Variants in PNOC observed in about 807,000 individuals in gnomAD.
PNOC encodes prepronociceptin, also known as nociceptin.
In PNOC, 10 loss-of-function variants were observed where a neutral mutation model predicts 15.6. The observed-to-expected ratio is 0.64, with a 90% confidence interval of 0.40 to 1.09. PNOC has a LOEUF of 1.09. Among genes scored for constraint, PNOC ranks in the 50% least tolerant of loss-of-function variants. PNOC has a pLI of 0.01. For synonymous variants in PNOC, 98 were observed against 88.5 expected (o/e 1.11, Z -0.60); for missense variants, 220 against 223.9 (o/e 0.98, Z 0.11).
intron 1 of PNOC, among the ~76,000 whole-genome samples, chr8:28,325,471 T>C (rs1384680043): frequency 6.6e-6 from 1 of 151,650 alleles, no homozygotes; most frequent in Non-Finnish European, 1.5e-5. Flanking sequence ...CTGGCCAACA[T>C]GTGAAGCCCC....
chr8:28,341,810 C>T (rs1206956819), intron 3 of PNOC, among the ~76,000 whole-genome samples: 1 of 152,142 alleles, frequency 6.6e-6, no homozygotes, highest in East Asian at 1.9e-4. Context: ...TGCTTCTTTT[C>T]CCCCAACATG....
intron 1 of PNOC, among the ~76,000 whole-genome samples, chr8:28,320,203 G>A (rs1801127445): frequency 7.4e-6 from 1 of 135,498 alleles, no homozygotes; most frequent in Non-Finnish European, 1.5e-5. Flanking sequence ...GGAGTAGATA[G>A]CATGCCTCAC....
chr8:28,327,415 T>C (rs1306545036), intron 1 of PNOC, among the ~76,000 whole-genome samples: 3 of 152,222 alleles, frequency 2.0e-5, no homozygotes, highest in Admixed American at 2.0e-4. Flanking sequence ...CGGTTTTAAA[T>C]AGCAAGTTCC....
chr8:28,338,321 G>T (rs910838184), intron 2 of PNOC, among the ~76,000 whole-genome samples: 1 of 152,156 alleles, frequency 6.6e-6, no homozygotes, highest in Non-Finnish European at 1.5e-5. Context: ...TAGAAGTCAG[G>T]GTTGGCAGGA....
chr8:28,341,124 T>C (rs1421515067), intron 3 of PNOC, among the ~76,000 whole-genome samples: 3 of 152,272 alleles, frequency 2.0e-5, no homozygotes, highest in Non-Finnish European at 4.4e-5. Flanking sequence ...GAGGTAGCCG[T>C]GTCACTAATA....
intron 1 of PNOC, among the ~76,000 whole-genome samples, chr8:28,325,077 C>T (rs1210912747): frequency 2.0e-5 from 3 of 152,166 alleles, no homozygotes; most frequent in Non-Finnish European, 4.4e-5. Flanking sequence ...GAGCTGTGAT[C>T]GGAAGCAGGC....
At chr8:28,340,072 T>TC (rs879275873) in intron 3 of PNOC, 1 of 152,202 alleles carries the variant, frequency 6.6e-6, no homozygotes, top group Non-Finnish European at 1.5e-5. Flanking sequence ...TCTTCCTCCT[T>TC]CCACAAGCCA....
chr8:28,328,315 T>C (rs1209674066), intron 1 of PNOC, among the ~76,000 whole-genome samples: 7 of 152,058 alleles, frequency 4.6e-5, no homozygotes, highest in African/African-American at 1.7e-4. Context: ...TGACCTCTAG[T>C]GATCCACCTG....
intron 1 of PNOC, among the ~76,000 whole-genome samples, chr8:28,317,757 C>G (rs949083000): frequency 3.3e-5 from 5 of 152,104 alleles, no homozygotes; most frequent in African/African-American, 1.2e-4. Flanking sequence ...GGCTTCCTTT[C>G]CTCTCAGATG....
intron 2 of PNOC, among the ~76,000 whole-genome samples, chr8:28,332,990 G>A (rs558126210): frequency 9.9e-5 from 15 of 152,102 alleles, no homozygotes; most frequent in Non-Finnish European, 2.2e-4. Flanking sequence ...ACTGCAAAAC[G>A]AGCTACCTTC....
chr8:28,317,972 C>T (rs1317480447), intron 1 of PNOC, among the ~76,000 whole-genome samples: 4 of 152,152 alleles, frequency 2.6e-5, no homozygotes, highest in Non-Finnish European at 5.9e-5. Context: ...AGCATTTCTA[C>T]GGGCGTGACC....
chr8:28,319,287 G>A (rs562644547), intron 1 of PNOC, among the ~76,000 whole-genome samples: 2 of 152,192 alleles, frequency 1.3e-5, no homozygotes, highest in Admixed American at 6.5e-5. Flanking sequence ...TAGTGGGGTC[G>A]GGGGTAGAGG....
In PNOC at chr8:28,330,418, G is replaced by A. The variant is rs75741829; in HGVS notation, c.126+1135G>A. On this transcript the variant is annotated intron_variant, in intron 2 of 3. Transcript: ENST00000301908. ...TTTATTTTTTTTTTTTTTTTGAGAC[G>A]GAGTCTTGCTCTGTCGCCCAGGCTG... is the stretch of plus-strand genomic sequence containing the variant. 5.7e-4 allele frequency among the ~76,000 whole-genome samples: 45 copies of A among 79,456 alleles called. 3 individuals carry two copies. The highest frequency in any genetic ancestry group is 5.5e-4 in the Admixed American group (4 of 7,328). The allele number at this position is 79,456 out of a possible 152,430, so 52.1% of individuals were successfully genotyped here.
At chr8:28,332,168 G>A (rs770593802) in intron 2 of PNOC, among the ~76,000 whole-genome samples, 3 of 152,202 alleles carry the variant, frequency 2.0e-5, no homozygotes, top group Non-Finnish European at 4.4e-5. Flanking sequence ...CTAACCCCCC[G>A]GAGGATGTGG....
intron 2 of PNOC, among the ~76,000 whole-genome samples, chr8:28,336,173 C>T (rs1801409121): frequency 6.6e-6 from 1 of 152,220 alleles, no homozygotes; most frequent in Non-Finnish European, 1.5e-5. Flanking sequence ...TAATTCATCT[C>T]AGTTCAACTA....
At chr8:28,324,449 T>G (rs550810720) in intron 1 of PNOC, among the ~76,000 whole-genome samples, 2 of 152,314 alleles carry the variant, frequency 1.3e-5, no homozygotes, top group East Asian at 1.9e-4. Flanking sequence ...GCTCCTTTTC[T>G]CCTCCCTTCC....
At chr8:28,337,114 C>A (rs912361346) in intron 2 of PNOC, among the ~76,000 whole-genome samples, 4 of 152,064 alleles carry the variant, frequency 2.6e-5, no homozygotes, top group Admixed American at 1.3e-4. Flanking sequence ...CCTCTCTCTT[C>A]TCTGCCAGTC....
chr8:28,330,391 A>ATTTTTTTTTTTTTTTT (rs200641227), intron 2 of PNOC, among the ~76,000 whole-genome samples: 18 of 76,118 alleles, frequency 2.4e-4, no homozygotes, highest in South Asian at 4.4e-4. Flanking sequence ...ATTTTATTTT[A>ATTTTTTTTTTTTTTTT]TTTTATTTTT....
At chr8:28,341,966 C>G (rs1413700629) in intron 3 of PNOC, among the ~76,000 whole-genome samples, 1 of 152,116 alleles carries the variant, frequency 6.6e-6, no homozygotes, top group Non-Finnish European at 1.5e-5. Context: ...CCAATGCTGT[C>G]CTTGACTTCT....
Sources: allele counts gnomAD v4.1 joint callset (sites outside exome capture counted in the v4.1 genomes callset), GRCh38; gene constraint gnomAD v4.1.1; transcripts MANE v1.5; gene names NCBI Gene and HGNC (gene_info 2026-07-23, HGNC 2026-07-21).